The following TGFA variants were observed in gnomAD, a reference collection of about 807,000 sequenced individuals.
TGFA encodes the protein protransforming growth factor alpha.
In TGFA, 12 loss-of-function variants were observed where a neutral mutation model predicts 21.7. The observed-to-expected ratio is 0.55, with a 90% CI of 0.35 to 0.90. TGFA has a LOEUF of 0.90. Among genes scored for constraint, TGFA ranks in the 40% least tolerant of loss-of-function variants. TGFA has a pLI of 0.01. For synonymous variants in TGFA, 79 were observed against 88.1 expected (o/e 0.90, Z 0.58); for missense variants, 178 against 210.8 (o/e 0.84, Z 0.96).
intron 1 of TGFA, among the ~76,000 whole-genome samples, chr2:70,519,754 T>G (rs1254417096): frequency 1.3e-5 from 2 of 152,236 alleles, no homozygotes; most frequent in African/African-American, 4.8e-5. Context: ...TCCATATCCA[T>G]CTAAACATAT....
At chr2:70,528,086 AATTC>A (rs1553503160) in intron 1 of TGFA, among the ~76,000 whole-genome samples, 1 of 152,218 alleles carries the variant, frequency 6.6e-6, no homozygotes, top group African/African-American at 2.4e-5. Flanking sequence ...CATCACTATG[AATTC>A]TACCCTGCTG....
intron 2 of TGFA, among the ~76,000 whole-genome samples, chr2:70,500,469 A>T (rs1371690633): frequency 6.6e-6 from 1 of 152,042 alleles, no homozygotes; most frequent in East Asian, 1.9e-4. Flanking sequence ...TAAAAAAAAA[A>T]AAGTTAACTT....
In TGFA at chr2:70,465,739, G is replaced by A. The variant is rs1670536526; in HGVS notation, c.95-3C>T. The A allele has an allele frequency of 6.2e-7, 1 of 1,613,654 alleles. No individual in the cohort carries two copies. Among genetic ancestry groups the A allele is most frequent in the Non-Finnish European group, 8.5e-7 (1 of 1,179,946 alleles). ...TGCTGCAGCCACGGGCGGGTCTGCT[G>A]GGGAGAGGAAAGATGCAGGGCTCAG... On this transcript the variant is annotated splice_polypyrimidine_tract_variant and splice_region_variant and intron_variant, in intron 2 of 5. Coordinates refer to ENST00000295400, the MANE Select transcript of TGFA (RefSeq NM_003236.4).
In TGFA at chr2:70,544,120, T is replaced by A. The variant is rs7579622; in HGVS notation, c.40+9608A>T. The stretch of plus-strand genomic sequence containing the variant: ...TTATGATGAGAAACATATTTTAACA[T>A]CATAAAGAATATATGTGTATATATA... On this transcript the variant is annotated intron_variant, in intron 1 of 5. Coordinates refer to ENST00000295400, the MANE Select transcript of TGFA (RefSeq NM_003236.4). 6.4e-3 allele frequency among the ~76,000 whole-genome samples: 973 copies of A among 152,116 alleles called. 13 individuals carry two copies. Among genetic ancestry groups the A allele is most frequent in the African/African-American group, 0.022 (933 of 41,528 alleles).
At chr2:70,522,696 A>G (rs61476952) in intron 1 of TGFA, among the ~76,000 whole-genome samples, 3,786 of 152,244 alleles carry the variant, frequency 0.025, 165 homozygotes, top group African/African-American at 0.086. Flanking sequence ...CGACCTCCCA[A>G]AGTGCTGGGA....
At chr2:70,512,463 C>G (rs144090627) in intron 2 of TGFA, among the ~76,000 whole-genome samples, 85 of 152,272 alleles carry the variant, frequency 5.6e-4, no homozygotes, top group African/African-American at 1.9e-3. Context: ...ACCTCAGGCC[C>G]CCGAGTGGCA....
At chr2:70,479,787 A>T (rs917395459) in intron 2 of TGFA, among the ~76,000 whole-genome samples, 1 of 152,154 alleles carries the variant, frequency 6.6e-6, no homozygotes, top group Admixed American at 6.5e-5. Context: ...ATATTCTGTC[A>T]TCTCTTTGTA....
At chr2:70,486,772 G>GTT (rs1166354300) in intron 2 of TGFA, among the ~76,000 whole-genome samples, 3 of 150,476 alleles carry the variant, frequency 2.0e-5, no homozygotes, top group African/African-American at 7.3e-5. Flanking sequence ...ATTTCTTGGT[G>GTT]TTTTTTTTTA....
chr2:70,539,385 A>T (rs781965703), intron 1 of TGFA, among the ~76,000 whole-genome samples: 1 of 114,812 alleles, frequency 8.7e-6, no homozygotes, highest in Non-Finnish European at 1.9e-5. Context: ...GCCTGAAGCA[A>T]TCCAATGGAA....
chr2:70,465,505 G>T (rs1378314791), intron 3 of TGFA, 111 bp downstream of exon 3: 3 of 1,380,734 alleles, frequency 2.2e-6, no homozygotes, highest in Non-Finnish European at 3.0e-6. Context: ...TGACACATCT[G>T]GCTCCAGGGG....
At chr2:70,550,444 A>G (rs1170747914) in intron 1 of TGFA, among the ~76,000 whole-genome samples, 3 of 151,982 alleles carry the variant, frequency 2.0e-5, no homozygotes, top group Non-Finnish European at 4.4e-5. Flanking sequence ...GATACAAAAA[A>G]TTTGCATAAA....
Position 70,552,663 on chromosome 2 carries a change from C to T in TGFA, c.40+1065G>A, listed in dbSNP as rs115995664. 6.0e-3 allele frequency among the ~76,000 whole-genome samples: 920 copies of T among 152,298 alleles called. 19 individuals carry two copies. The highest frequency in any genetic ancestry group is 0.021 in the African/African-American group (879 of 41,562). ...TAGGGCAGGCTTGCAGGCGGGGCCG[C>T]GAACCCCCTGTAGTTGTACACGGAG... On this transcript the variant is annotated intron_variant, in intron 1 of 5. Transcript: ENST00000295400.
chr2:70,518,166 C>G (rs1553501835), intron 1 of TGFA, among the ~76,000 whole-genome samples: 1 of 152,248 alleles, frequency 6.6e-6, no homozygotes, highest in East Asian at 1.9e-4. Context: ...AAAGCAGGTC[C>G]TTGCCCGCCG....
chr2:70,493,858 C>T (rs556909377), intron 2 of TGFA, among the ~76,000 whole-genome samples: 2 of 152,132 alleles, frequency 1.3e-5, no homozygotes, highest in Non-Finnish European at 1.5e-5. Context: ...AGGACCAACT[C>T]GTGTATACGC....
chr2:70,538,168 T>C (rs1553504728), intron 1 of TGFA, among the ~76,000 whole-genome samples: 1 of 152,182 alleles, frequency 6.6e-6, no homozygotes, highest in East Asian at 1.9e-4. Context: ...TGAGATCTAC[T>C]GCTCAGAAAA....
At chr2:70,489,221 G>C (rs1039384947) in intron 2 of TGFA, among the ~76,000 whole-genome samples, 2 of 152,202 alleles carry the variant, frequency 1.3e-5, no homozygotes, top group Non-Finnish European at 2.9e-5. Flanking sequence ...GCAGGTGAGC[G>C]CCTTCTCCCA....
chr2:70,506,935 C>T (rs1362497459), intron 2 of TGFA, among the ~76,000 whole-genome samples: 1 of 152,158 alleles, frequency 6.6e-6, no homozygotes, highest in Non-Finnish European at 1.5e-5. Flanking sequence ...GAAATTTCTG[C>T]AAAGTGGGTC....
At chr2:70,537,479 C>G (rs431964) in intron 1 of TGFA, among the ~76,000 whole-genome samples, 70,664 of 152,080 alleles carry the variant, frequency 0.46, 17,138 homozygotes, top group African/African-American at 0.58. Context: ...AATTAGCTAA[C>G]TTGTGAATGC....
In TGFA at chr2:70,552,213, A is replaced by G. The variant is rs151043376; in HGVS notation, c.40+1515T>C. Among the ~76,000 whole-genome samples, 424 of 150,512 alleles carry G rather than the reference A, an allele frequency of 2.8e-3. 2 individuals carry two copies. The highest frequency in any genetic ancestry group is 8.9e-3 in the African/African-American group (365 of 40,890). On this transcript the variant is annotated intron_variant, in intron 1 of 5. Transcript: ENST00000295400. ...CCTGTGTGCTTTACTTTCCTCTGCT[A>G]TATAATGAGAATAATATTAACACCT...
Sources: gnomAD v4.1 joint callset for allele counts (sites outside exome capture counted in the v4.1 genomes callset) on GRCh38, gnomAD v4.1.1 for gene constraint, MANE v1.5 for transcripts, NCBI Gene and HGNC (gene_info 2026-07-23, HGNC 2026-07-21) for gene names.